The following RBFOX1 variants were observed in gnomAD, a reference collection of about 807,000 sequenced individuals.
RBFOX1 encodes RNA binding fox-1 homolog 1.
In RBFOX1, 8 loss-of-function variants were observed where a neutral mutation model predicts 57.7. The ratio of observed to expected loss-of-function variants is 0.14; its 90% CI spans 0.08 to 0.25. The LOEUF is 0.25. Ranked by LOEUF, RBFOX1 falls within the 10% of genes least tolerant of loss-of-function variation. The probability of loss-of-function intolerance (pLI) is 1.00; values close to 1 mark genes in which losing one functional copy is unlikely to be tolerated. For synonymous variants in RBFOX1, 326 were observed against 222.4 expected, an observed-to-expected ratio of 1.47 and a Z score of -4.15; for missense variants, 611 against 548.5, an observed-to-expected ratio of 1.11 and a Z score of -1.14.
chr16:6,390,809 G>A (rs1454125487), intron 2 of RBFOX1, among the ~76,000 whole-genome samples: 1 of 152,114 alleles, frequency 6.6e-6, no homozygotes, highest in Non-Finnish European at 1.5e-5. Flanking sequence ...CCTGGGGCAG[G>A]AAGGAGGCTG....
chr16:6,868,239 C>A (rs886596352), intron 3 of RBFOX1, among the ~76,000 whole-genome samples: 1 of 151,996 alleles, frequency 6.6e-6, no homozygotes, highest in South Asian at 2.1e-4. Context: ...AGAAATACTT[C>A]GTGGTCTGCA....
At chr16:6,891,574 C>A (rs1018742493) in intron 3 of RBFOX1, among the ~76,000 whole-genome samples, 12 of 152,128 alleles carry the variant, frequency 7.9e-5, no homozygotes, top group Non-Finnish European at 1.6e-4. Context: ...TTCCAGTGCT[C>A]CAGGCATAGC....
At chr16:7,708,539 C>T (rs758494) in intron 14 of RBFOX1, among the ~76,000 whole-genome samples, 1 of 152,182 alleles carries the variant, frequency 6.6e-6, no homozygotes, top group Non-Finnish European at 1.5e-5. Flanking sequence ...CCCTTTAAGG[C>T]TGCTTCCATT....
intron 2 of RBFOX1, among the ~76,000 whole-genome samples, chr16:6,563,916 G>A (rs529309453): frequency 4.7e-4 from 71 of 151,184 alleles, no homozygotes; most frequent in African/African-American, 1.4e-3. Flanking sequence ...GTGTGTGTGT[G>A]TATATATATA....
At chr16:6,118,415 C>T (rs1301418220) in intron 1 of RBFOX1, among the ~76,000 whole-genome samples, 2 of 152,148 alleles carry the variant, frequency 1.3e-5, no homozygotes, top group African/African-American at 4.8e-5. Context: ...CCAGCAGATT[C>T]AATGTTTGGT....
At chr16:5,980,977 GC>G (rs1360106671) in intron 4 of RBFOX1, among the ~76,000 whole-genome samples, 1 of 152,148 alleles carries the variant, frequency 6.6e-6, no homozygotes, top group African/African-American at 2.4e-5. Context: ...AAGTCAGAGT[GC>G]GATCTGCAGA....
At chr16:7,163,905 C>G (rs1024583339) in intron 4 of RBFOX1, among the ~76,000 whole-genome samples, 6 of 152,144 alleles carry the variant, frequency 3.9e-5, no homozygotes, top group Non-Finnish European at 8.8e-5. Flanking sequence ...AATGATCCAT[C>G]CACTTCAGCC....
intron 4 of RBFOX1, among the ~76,000 whole-genome samples, chr16:7,170,474 G>C (rs113000666): frequency 6.6e-6 from 1 of 152,086 alleles, no homozygotes; most frequent in Non-Finnish European, 1.5e-5. Flanking sequence ...TAGAGTCTTG[G>C]CGTGTTGCCC....
At chr16:5,870,436 T>C (rs1299846003) in intron 4 of RBFOX1, among the ~76,000 whole-genome samples, 1 of 146,282 alleles carries the variant, frequency 6.8e-6, no homozygotes. Context: ...ACAAAATGTA[T>C]CAACCAGGAT....
chr16:6,562,004 C>T (rs1219978245), intron 2 of RBFOX1, among the ~76,000 whole-genome samples: 2 of 152,122 alleles, frequency 1.3e-5, no homozygotes, highest in African/African-American at 4.8e-5. Flanking sequence ...GTGTAGAGAT[C>T]ATTATGAGGC....
At chr16:6,712,528 T>C (rs1377768422) in intron 3 of RBFOX1, among the ~76,000 whole-genome samples, 2 of 152,148 alleles carry the variant, frequency 1.3e-5, no homozygotes, top group East Asian at 1.9e-4. Context: ...ATCTTTCCAG[T>C]GACACAGGGC....
At position 6,835,191 on chromosome 16, in the gene RBFOX1, A is replaced by G. The variant is rs572373569; in HGVS notation, c.-16+180541A>G. On this transcript the variant is annotated intron_variant, in intron 3 of 15. Transcript: ENST00000550418. ...GTTGGGATCACAGGCGTGAGCCACC[A>G]CGCCCGACCGGCCTGACTTCTCTTG... Among the ~76,000 whole-genome samples, 9 of 151,982 alleles carry G rather than the reference A, an allele frequency of 5.9e-5. No homozygotes were observed. The East Asian group carries it at 1.6e-3, about 26-fold the overall frequency.
At chr16:6,547,039 A>G (rs765402998) in intron 2 of RBFOX1, among the ~76,000 whole-genome samples, 3 of 152,224 alleles carry the variant, frequency 2.0e-5, no homozygotes, top group Non-Finnish European at 2.9e-5. Flanking sequence ...GTGCCTGAGC[A>G]TGCGTATTAT....
chr16:7,017,940 C>T (rs928326898), intron 3 of RBFOX1, among the ~76,000 whole-genome samples: 3 of 152,126 alleles, frequency 2.0e-5, no homozygotes, highest in African/African-American at 4.8e-5. Flanking sequence ...AAACTGTCGG[C>T]GACGTGTGAA....
intron 2 of RBFOX1, among the ~76,000 whole-genome samples, chr16:6,470,388 C>G (rs2095146156): frequency 6.6e-6 from 1 of 152,188 alleles, no homozygotes; most frequent in South Asian, 2.1e-4. Context: ...TGAAAGCTTA[C>G]TGATGGCACA....
chr16:6,159,222 G>T (rs968679988), intron 1 of RBFOX1, among the ~76,000 whole-genome samples: 2 of 151,996 alleles, frequency 1.3e-5, no homozygotes, highest in African/African-American at 4.8e-5. Context: ...GTCTATAGAC[G>T]CACACCACCA....
In RBFOX1 at chr16:5,946,184, G is replaced by C. The variant is rs1458826136; in HGVS notation, c.351+78849G>C. On this transcript the variant is annotated intron_variant, in intron 4 of 19. Coordinates refer to the RBFOX1 transcript ENST00000641259. The surrounding 1 kb of genome is among the most constrained non-coding windows in gnomAD (Gnocchi z 4.6). ...AGGATGTGATGGAAAGTGCACAGAC[G>C]GCCCGAGGTGGGGGCCAGGCTCTGC... Among the ~76,000 whole-genome samples, 1 of 152,126 alleles carries C rather than the reference G, an allele frequency of 6.6e-6. No individual in the cohort carries two copies. Among genetic ancestry groups the C allele is most frequent in the South Asian group, 2.1e-4 (1 of 4,822 alleles).
intron 1 of RBFOX1, among the ~76,000 whole-genome samples, chr16:6,058,759 A>G (rs1366341832): frequency 2.7e-5 from 4 of 150,822 alleles, no homozygotes; most frequent in African/African-American, 9.8e-5. Context: ...CCATTCACTC[A>G]TCCATTCATT....
chr16:5,510,879 TCTAGC>T (rs1043027658), intron 2 of RBFOX1, among the ~76,000 whole-genome samples: 8 of 152,156 alleles, frequency 5.3e-5, no homozygotes, highest in African/African-American at 1.7e-4. Flanking sequence ...CAGAAGTGTC[TCTAGC>T]TATGGCCACG....
Sources: allele counts gnomAD v4.1 joint callset (sites outside exome capture counted in the v4.1 genomes callset), GRCh38; gene constraint gnomAD v4.1.1; non-coding constraint Gnocchi (gnomAD v3.1); transcripts MANE v1.5; gene names NCBI Gene and HGNC (gene_info 2026-07-23, HGNC 2026-07-21).